The following MAMDC2 variants were observed in gnomAD, a reference collection of about 807,000 sequenced individuals.
MAMDC2 encodes MAM domain-containing protein 2.
Under a neutral mutation model 89.8 loss-of-function variants are expected in MAMDC2, and 57 were observed. That is an observed-to-expected ratio of 0.63 (90% CI 0.51 to 0.79). The LOEUF (loss-of-function observed/expected upper bound fraction) is 0.79. Among genes scored for constraint, MAMDC2 ranks in the 30% least tolerant of loss-of-function variants. The pLI is 0.00. For missense variants in MAMDC2, 800 were observed against 820.6 expected, an observed-to-expected ratio of 0.97 and a Z score of 0.31; for synonymous variants, 313 against 293.4, an observed-to-expected ratio of 1.07 and a Z score of -0.68.
chr9:70,057,786 C>A (rs1313347977), intron 2 of MAMDC2, among the ~76,000 whole-genome samples: 1 of 152,194 alleles, frequency 6.6e-6, no homozygotes, highest in Non-Finnish European at 1.5e-5. Flanking sequence ...GATTTAAAGA[C>A]TTTTCCTTGG....
intron 9 of MAMDC2, among the ~76,000 whole-genome samples, chr9:70,167,170 G>GTA (rs1563983527): frequency 6.6e-6 from 1 of 151,924 alleles, no homozygotes; most frequent in African/African-American, 2.4e-5. Context: ...TTTGTTCTTT[G>GTA]TATATATACA....
chr9:70,163,952 C>CAAAAA lies in MAMDC2; in HGVS notation c.1405-4732_1405-4728dup, dbSNP rs34029718. Among the ~76,000 whole-genome samples, 455 of 70,024 alleles carry CAAAAA rather than the reference C, an allele frequency of 6.5e-3. 9 individuals carry two copies. The highest frequency in any genetic ancestry group is 8.8e-3 in the Non-Finnish European group (331 of 37,416). The allele number at this position is 70,024 out of a possible 152,430, so 45.9% of individuals were successfully genotyped here. A position where few individuals can be genotyped will look rare whatever the true frequency, so the allele number is the denominator to read the frequency against. Reference sequence around the variant, plus strand: ...CTGGGCACAGAGTGAGACTCTGTCTCAAAAAAAAAAAAAAAAAAAAAATCC... The same window carrying CAAAAA: ...CTGGGCACAGAGTGAGACTCTGTCTCAAAAAAAAAAAAAAAAAAAAAAAAAAATCC... On this transcript the variant is annotated intron_variant, in intron 9 of 13. Coordinates refer to ENST00000377182, the MANE Select transcript of MAMDC2 (RefSeq NM_153267.5).
intron 11 of MAMDC2, among the ~76,000 whole-genome samples, chr9:70,195,193 A>G (rs2032954292): frequency 6.6e-6 from 1 of 152,148 alleles, no homozygotes; most frequent in African/African-American, 2.4e-5. Flanking sequence ...AAGTTTGGGA[A>G]ACATTTGTAG....
intron 11 of MAMDC2, chr9:70,217,246 G>C: frequency 1.1e-6 from 1 of 897,118 alleles, no homozygotes; most frequent in Non-Finnish European, 1.9e-6. Flanking sequence ...CCCGGGACAG[G>C]GGAGGCACTA....
intron 2 of MAMDC2, among the ~76,000 whole-genome samples, chr9:70,104,154 CA>C (rs1828273292): frequency 6.6e-6 from 1 of 151,968 alleles, no homozygotes; most frequent in Non-Finnish European, 1.5e-5. Context: ...GACATTTTTC[CA>C]AAGTAGATGT....
At chr9:70,063,342 G>A (rs1827191641) in intron 2 of MAMDC2, 1 of 152,234 alleles carries the variant, frequency 6.6e-6, no homozygotes, top group Non-Finnish European at 1.5e-5. Context: ...ACAGCAAAAG[G>A]TAGCTGTTTT....
intron 9 of MAMDC2, among the ~76,000 whole-genome samples, chr9:70,146,526 C>T (rs552691600): frequency 6.6e-6 from 1 of 152,220 alleles, no homozygotes; most frequent in South Asian, 2.1e-4. Flanking sequence ...AACTAAAGTT[C>T]ACTTACTTAT....
At chr9:70,203,786 C>A (rs2118640337) in intron 11 of MAMDC2, among the ~76,000 whole-genome samples, 2 of 127,836 alleles carry the variant, frequency 1.6e-5, no homozygotes, top group East Asian at 2.4e-4. Context: ...AACTTCCCTT[C>A]TCGCTTCATT....
At chr9:70,046,379 G>A (rs1319372204) in intron 2 of MAMDC2, among the ~76,000 whole-genome samples, 1 of 152,242 alleles carries the variant, frequency 6.6e-6, no homozygotes, top group South Asian at 2.1e-4. Flanking sequence ...GGACCCGAGA[G>A]TGAACAGCTA....
At chr9:70,140,095 T>C in intron 7 of MAMDC2, 50 bp from the exon 8 acceptor site, 1 of 1,500,972 alleles carries the variant, frequency 6.7e-7, no homozygotes. Flanking sequence ...GTTGATGTAG[T>C]CCTTTGAGAT....
chr9:70,199,143 G>C (rs1250001067), intron 11 of MAMDC2, among the ~76,000 whole-genome samples: 1 of 147,998 alleles, frequency 6.8e-6, no homozygotes, highest in South Asian at 2.2e-4. Flanking sequence ...TGCTGTGCTG[G>C]TGCGCTGCAC....
chr9:70,055,171 G>C (rs902062142), intron 2 of MAMDC2, among the ~76,000 whole-genome samples: 3 of 152,148 alleles, frequency 2.0e-5, no homozygotes, highest in African/African-American at 7.2e-5. Context: ...TTCCGAGTGA[G>C]AAGTACACAG....
At chr9:70,120,008 C>T (rs1486572814) in intron 5 of MAMDC2, among the ~76,000 whole-genome samples, 1 of 152,164 alleles carries the variant, frequency 6.6e-6, no homozygotes, top group Non-Finnish European at 1.5e-5. Context: ...TCCTGCTTAG[C>T]TCATATAAGT....
At chr9:70,163,363 G>A (rs2032052670) in intron 9 of MAMDC2, among the ~76,000 whole-genome samples, 1 of 151,554 alleles carries the variant, frequency 6.6e-6, no homozygotes, top group Non-Finnish European at 1.5e-5. Flanking sequence ...TGATTAGCTG[G>A]GACTACAGGC....
chr9:70,202,830 G>A, intron 11 of MAMDC2, among the ~76,000 whole-genome samples: 1 of 151,198 alleles, frequency 6.6e-6, no homozygotes. Context: ...TGTCTCTTGT[G>A]ATCTTTGTTG....
intron 9 of MAMDC2, among the ~76,000 whole-genome samples, chr9:70,166,262 AATAT>A (rs371331801): frequency 3.0e-5 from 4 of 134,472 alleles, no homozygotes; most frequent in East Asian, 2.2e-4. Context: ...ACAAAACAGA[AATAT>A]ATATATATAT....
intron 11 of MAMDC2, among the ~76,000 whole-genome samples, chr9:70,202,833 C>T (rs1049654689): frequency 6.6e-6 from 1 of 151,090 alleles, no homozygotes; most frequent in Non-Finnish European, 1.5e-5. Context: ...CTCTTGTGAT[C>T]TTTGTTGGTT....
chr9:70,216,997 A>T (rs747202942), intron 11 of MAMDC2, among the ~76,000 whole-genome samples: 2 of 152,196 alleles, frequency 1.3e-5, no homozygotes, highest in Non-Finnish European at 2.9e-5. Context: ...CATACAATGG[A>T]CTATTGGAAG....
At chr9:70,071,343 T>G (rs1404054248) in intron 2 of MAMDC2, among the ~76,000 whole-genome samples, 1 of 152,132 alleles carries the variant, frequency 6.6e-6, no homozygotes, top group Non-Finnish European at 1.5e-5. Context: ...GAATTCAGAA[T>G]TTACTCTATT....
Sources: allele counts gnomAD v4.1 joint callset (sites outside exome capture counted in the v4.1 genomes callset), GRCh38; gene constraint gnomAD v4.1.1; transcripts MANE v1.5; gene names NCBI Gene and HGNC (gene_info 2026-07-23, HGNC 2026-07-21).